KLF13: variants seen among roughly 807,000 people sequenced by gnomAD.
The protein encoded by KLF13 is KLF transcription factor 13, also known as Krueppel-like factor 13.
KLF13 carries 8 observed loss-of-function variants against 16.7 expected under a neutral mutation model. The ratio of observed to expected loss-of-function variants is 0.48; its 90% CI spans 0.28 to 0.87. KLF13 has a LOEUF of 0.87. Among genes scored for constraint, KLF13 ranks in the 40% least tolerant of loss-of-function variants. KLF13 has a pLI of 0.10. For missense variants in KLF13, 447 were observed against 452.2 expected, an observed-to-expected ratio of 0.99 and a Z score of 0.10; for synonymous variants, 245 against 208.4, an observed-to-expected ratio of 1.18 and a Z score of -1.51.
downstream of KLF13, among the ~76,000 whole-genome samples, chr15:31,407,415 A>G (rs367659986): frequency 6.6e-6 from 1 of 152,226 alleles, no homozygotes. Context: ...ATGGGCAGAG[A>G]AACAAGCTCA....
At chr15:31,422,453 TCTC>T (rs2040340248) in intron 1 of KLF13, among the ~76,000 whole-genome samples, 1 of 151,942 alleles carries the variant, frequency 6.6e-6, no homozygotes, top group African/African-American at 2.4e-5. Flanking sequence ...AACCATCAGA[TCTC>T]CTAAGACTCA....
chr15:31,335,421 TTGTGTGTG>T (rs1166932948), intron 1 of KLF13, among the ~76,000 whole-genome samples: 2 of 108,044 alleles, frequency 1.9e-5, no homozygotes, highest in African/African-American at 6.4e-5. Context: ...CTGTTGGGCA[TTGTGTGTG>T]TGTGTATGTG....
intron 1 of KLF13, among the ~76,000 whole-genome samples, chr15:31,383,797 G>A (rs1232178908): frequency 6.6e-6 from 1 of 152,166 alleles, no homozygotes; most frequent in African/African-American, 2.4e-5. Context: ...AGCTACTCGG[G>A]AGGCTGAGGC....
At chr15:31,365,727 A>G (rs1372096148) in intron 1 of KLF13, among the ~76,000 whole-genome samples, 2 of 152,086 alleles carry the variant, frequency 1.3e-5, no homozygotes, top group African/African-American at 2.4e-5. Flanking sequence ...AGTGGAGTCC[A>G]TGCCACAGCC....
upstream of KLF13, among the ~76,000 whole-genome samples, chr15:31,388,755 T>TA (rs2039824478): frequency 1.2e-5 from 1 of 81,784 alleles, no homozygotes; most frequent in African/African-American, 5.2e-5. Context: ...CGAACAAGGT[T>TA]AAAAAATCCC....
At chr15:31,327,937 A>G (rs1408899982) in intron 1 of KLF13, 148 bp downstream of exon 1, 3 of 965,196 alleles carry the variant, frequency 3.1e-6, no homozygotes, top group Non-Finnish European at 3.8e-6. Flanking sequence ...TGCCGCTCCG[A>G]CCCGCGGCTG....
intron 1 of KLF13, among the ~76,000 whole-genome samples, chr15:31,352,235 C>G (rs2039228282): frequency 6.6e-6 from 1 of 152,230 alleles, no homozygotes; most frequent in African/African-American, 2.4e-5. Context: ...GTGATCCAGC[C>G]TTGGATGCCG....
downstream of KLF13, among the ~76,000 whole-genome samples, chr15:31,378,136 C>G (rs549934291): frequency 5.9e-5 from 9 of 152,282 alleles, no homozygotes; most frequent in African/African-American, 1.9e-4. Flanking sequence ...ACATTCCCAC[C>G]CCTCCGTCCA....
At chr15:31,352,289 C>T (rs2039229149) in intron 1 of KLF13, among the ~76,000 whole-genome samples, 1 of 152,244 alleles carries the variant, frequency 6.6e-6, no homozygotes, top group Non-Finnish European at 1.5e-5. Flanking sequence ...GATTGTCTCA[C>T]AGCAGAGGCT....
At chr15:31,346,904 G>A (rs764429743) in intron 1 of KLF13, among the ~76,000 whole-genome samples, 1 of 152,152 alleles carries the variant, frequency 6.6e-6, no homozygotes, top group Non-Finnish European at 1.5e-5. Context: ...GACTGGACGT[G>A]TGGGTTGGGT....
intron 1 of KLF13, among the ~76,000 whole-genome samples, chr15:31,331,055 C>T (rs936968369): frequency 6.6e-6 from 1 of 152,208 alleles, no homozygotes; most frequent in African/African-American, 2.4e-5. Context: ...TTGGCAGGCC[C>T]CCAGCAGAAT....
At chr15:31,385,173 T>G (rs1406727254) in intron 1 of KLF13, among the ~76,000 whole-genome samples, 2 of 152,340 alleles carry the variant, frequency 1.3e-5, no homozygotes, top group East Asian at 3.9e-4. Flanking sequence ...GATATTGGAC[T>G]TCCCTGCCTC....
intron 1 of KLF13, among the ~76,000 whole-genome samples, chr15:31,346,355 C>T (rs1195977260): frequency 6.6e-6 from 1 of 152,236 alleles, no homozygotes; most frequent in African/African-American, 2.4e-5. Context: ...CAGCTGCTGT[C>T]CTTCCCCTTC....
At chr15:31,431,606 A>G (rs937383013) in intron 1 of KLF13, among the ~76,000 whole-genome samples, 1 of 152,100 alleles carries the variant, frequency 6.6e-6, no homozygotes, top group Non-Finnish European at 1.5e-5. Context: ...CTGGGACTAC[A>G]GGCACCCGTC....
chr15:31,427,744 G>C (rs779870779), intron 1 of KLF13, among the ~76,000 whole-genome samples: 18 of 152,310 alleles, frequency 1.2e-4, no homozygotes, highest in Middle Eastern at 3.4e-3. Flanking sequence ...CTGCTTCCAA[G>C]GGGGCCTCAA....
chr15:31,329,748 C>T (rs2140928000), intron 1 of KLF13, among the ~76,000 whole-genome samples: 1 of 152,362 alleles, frequency 6.6e-6, no homozygotes, highest in East Asian at 1.9e-4. Flanking sequence ...TGCTACAGTG[C>T]TCGTTCTTGA....
intron 1 of KLF13, among the ~76,000 whole-genome samples, chr15:31,387,208 G>A (rs2140979993): frequency 6.6e-6 from 1 of 152,316 alleles, no homozygotes; most frequent in Non-Finnish European, 1.5e-5. Context: ...GCACACTACA[G>A]AGAAGTCCAT....
intron 1 of KLF13, among the ~76,000 whole-genome samples, chr15:31,343,179 C>T (rs940522162): frequency 2.0e-5 from 3 of 152,224 alleles, no homozygotes; most frequent in African/African-American, 7.2e-5. Context: ...TGTAGAGTGG[C>T]GCCTGAGCTG....
chr15:31,341,166 T>G (rs1052313596), intron 1 of KLF13, among the ~76,000 whole-genome samples: 2 of 152,256 alleles, frequency 1.3e-5, no homozygotes, highest in Admixed American at 1.3e-4. Flanking sequence ...CTGTTGGTTC[T>G]TTGTTATCTA....
Sources: allele counts gnomAD v4.1 joint callset (sites outside exome capture counted in the v4.1 genomes callset), GRCh38; gene constraint gnomAD v4.1.1; transcripts MANE v1.5; gene names NCBI Gene and HGNC (gene_info 2026-07-23, HGNC 2026-07-21).